The following DNAH12 variants were observed in gnomAD, a reference collection of about 807,000 sequenced individuals.
The protein encoded by DNAH12 is axonemal beta dynein heavy chain 12.
Under a neutral mutation model 371.5 loss-of-function variants are expected in DNAH12, and 285 were observed. The ratio of observed to expected loss-of-function variants is 0.77; its 90% CI spans 0.70 to 0.85. The LOEUF (loss-of-function observed/expected upper bound fraction) is 0.85, where lower values mean the gene tolerates loss of function less well. Ranked by LOEUF, DNAH12 falls within the 40% of genes least tolerant of loss-of-function variation. The probability of loss-of-function intolerance (pLI) is 0.00; values close to 1 mark genes in which losing one functional copy is unlikely to be tolerated. For missense variants in DNAH12, 3,611 were observed against 3,689.4 expected (o/e 0.98, Z 0.55); for synonymous variants, 1,200 against 1,213.0 (o/e 0.99, Z 0.22).
At chr3:57,407,927 A>G (rs2064088668) in intron 40 of DNAH12, among the ~76,000 whole-genome samples, 1 of 152,236 alleles carries the variant, frequency 6.6e-6, no homozygotes, top group Non-Finnish European at 1.5e-5. Context: ...AACGACAAGT[A>G]CCAGAGTAGG....
At chr3:57,317,482 T>C (rs1337838415) in intron 65 of DNAH12, among the ~76,000 whole-genome samples, 3 of 152,214 alleles carry the variant, frequency 2.0e-5, no homozygotes, top group African/African-American at 4.8e-5. Flanking sequence ...TCTCTTTCTG[T>C]GACTGGCTTA....
intron 11 of DNAH12, among the ~76,000 whole-genome samples, chr3:57,500,806 A>T (rs1184033973): frequency 1.3e-5 from 2 of 152,038 alleles, no homozygotes; most frequent in Non-Finnish European, 2.9e-5. Context: ...GCCCAGCTGG[A>T]GTACAGTGGT....
chr3:57,554,201 C>G, the DNAH12 span, among the ~76,000 whole-genome samples: 3 of 124,484 alleles, frequency 2.4e-5, no homozygotes, highest in Admixed American at 7.5e-5. Context: ...GCATGAGAAT[C>G]GCTTGAACCC....
intron 60 of DNAH12, among the ~76,000 whole-genome samples, chr3:57,338,575 C>A (rs1175776018): frequency 1.3e-5 from 2 of 149,348 alleles, no homozygotes; most frequent in Non-Finnish European, 3.0e-5. Context: ...AAGTGAGGAG[C>A]GCCTCTGCCC....
At chr3:57,351,154 A>G (rs1215016956) in intron 60 of DNAH12, among the ~76,000 whole-genome samples, 1 of 152,048 alleles carries the variant, frequency 6.6e-6, no homozygotes, top group African/African-American at 2.4e-5. Context: ...CTGTAGTCCC[A>G]GCTACTCGGG....
At chr3:57,341,409 T>C (rs1298045347) in intron 60 of DNAH12, among the ~76,000 whole-genome samples, 3 of 152,066 alleles carry the variant, frequency 2.0e-5, no homozygotes, top group Non-Finnish European at 4.4e-5. Flanking sequence ...TTGCAGGATA[T>C]AGATATCAAC....
chr3:57,480,889 T>C (rs1191585870), intron 13 of DNAH12, among the ~76,000 whole-genome samples: 2 of 152,206 alleles, frequency 1.3e-5, no homozygotes, highest in African/African-American at 4.8e-5. Flanking sequence ...CTAAAAACTC[T>C]CAATAAATTA....
chr3:57,299,190 G>GA (rs1212535895), intron 70 of DNAH12, among the ~76,000 whole-genome samples: 1 of 152,156 alleles, frequency 6.6e-6, no homozygotes, highest in Non-Finnish European at 1.5e-5. Context: ...CAAACATTTA[G>GA]AAAACCCACT....
At chr3:57,484,550 A>G (rs1248327639) in intron 12 of DNAH12, among the ~76,000 whole-genome samples, 5 of 152,186 alleles carry the variant, frequency 3.3e-5, no homozygotes, top group African/African-American at 4.8e-5. Flanking sequence ...AAGACGGATC[A>G]AAGACTTAAA....
At chr3:57,528,675 G>A (rs61200533) in intron 2 of DNAH12, among the ~76,000 whole-genome samples, 2 of 149,398 alleles carry the variant, frequency 1.3e-5, no homozygotes, top group South Asian at 2.1e-4. Flanking sequence ...GCGGTGAGCC[G>A]AGATCATGCC....
chr3:57,402,960 T>C (rs1553679483), intron 43 of DNAH12, among the ~76,000 whole-genome samples: 1 of 152,266 alleles, frequency 6.6e-6, no homozygotes, highest in East Asian at 1.9e-4. Context: ...TACATCAATA[T>C]TTTTTTAAAG....
intron 62 of DNAH12, among the ~76,000 whole-genome samples, chr3:57,326,429 T>C (rs1409334276): frequency 3.3e-5 from 5 of 152,210 alleles, no homozygotes; most frequent in Admixed American, 2.6e-4. Flanking sequence ...AAAAGAATTT[T>C]CAACCCAGAA....
chr3:57,538,694 C>T (rs1305684910), intron 2 of DNAH12, among the ~76,000 whole-genome samples: 4 of 152,328 alleles, frequency 2.6e-5, no homozygotes, highest in African/African-American at 9.6e-5. Flanking sequence ...CTTTGCCTTT[C>T]TCAGTTCACT....
chr3:57,296,226 A>G (rs2107640550), intron 72 of DNAH12, 118 bp downstream of exon 72: 1 of 585,612 alleles, frequency 1.7e-6, no homozygotes, highest in Non-Finnish European at 2.7e-6. Flanking sequence ...TTTATGTGAG[A>G]GTTCTGATGT....
intron 25 of DNAH12, among the ~76,000 whole-genome samples, chr3:57,450,273 GTGAGGTGGCTCA>G (rs943192115): frequency 8.0e-6 from 1 of 125,146 alleles, no homozygotes; most frequent in African/African-American, 3.3e-5. Context: ...AGGTGGCCCA[GTGAGGTGGCTCA>G]TGCCTGTAAT....
chr3:57,509,886 A>AAAAAAAAAAAAAAAAAAAC (rs2067921419), intron 5 of DNAH12, among the ~76,000 whole-genome samples: 1 of 145,172 alleles, frequency 6.9e-6, no homozygotes, highest in Non-Finnish European at 1.5e-5. Context: ...AAAAAAAAAA[A>AAAAAAAAAAAAAAAAAAAC]AAAAGAAAGC....
At chr3:57,491,099 A>AAAAAAAAAAAAAAAC (rs56259991) in intron 11 of DNAH12, among the ~76,000 whole-genome samples, 6 of 112,788 alleles carry the variant, frequency 5.3e-5, no homozygotes, top group South Asian at 3.1e-4. Flanking sequence ...AAAAAAAAAA[A>AAAAAAAAAAAAAAAC]AACAACAAAT....
intron 52 of DNAH12, among the ~76,000 whole-genome samples, chr3:57,377,736 C>G (rs2063310058): frequency 6.6e-6 from 1 of 152,016 alleles, no homozygotes; most frequent in Admixed American, 6.6e-5. Context: ...ACTACCAAAA[C>G]TGAATTTTCC....
chr3:57,428,989 G>A (rs1252837540), intron 33 of DNAH12, among the ~76,000 whole-genome samples, 168 bp from the exon 34 acceptor site: 3 of 152,286 alleles, frequency 2.0e-5, no homozygotes, highest in East Asian at 3.9e-4. Flanking sequence ...ACTATTTGCA[G>A]TTCAGTTCCC....
Sources: gnomAD v4.1 joint callset for allele counts (sites outside exome capture counted in the v4.1 genomes callset) on GRCh38, gnomAD v4.1.1 for gene constraint, MANE v1.5 for transcripts, NCBI Gene and HGNC (gene_info 2026-07-23, HGNC 2026-07-21) for gene names.